Variants in UNC13C observed in about 807,000 individuals in gnomAD.
UNC13C encodes protein unc-13 homolog C.
Under a neutral mutation model 245.4 loss-of-function variants are expected in UNC13C, and 174 were observed. That is an observed-to-expected ratio of 0.71 (90% CI 0.63 to 0.80). The LOEUF (loss-of-function observed/expected upper bound fraction) is 0.80. Among genes scored for constraint, UNC13C ranks in the 30% least tolerant of loss-of-function variants. The pLI is 0.00. For missense variants in UNC13C, 2,829 were observed against 2,602.9 expected (o/e 1.09, Z -1.89); for synonymous variants, 992 against 895.1 (o/e 1.11, Z -1.93).
At chr15:54,548,982 G>A (rs1388900544) in intron 27 of UNC13C, among the ~76,000 whole-genome samples, 1 of 152,024 alleles carries the variant, frequency 6.6e-6, no homozygotes, top group Non-Finnish European at 1.5e-5. Flanking sequence ...GATAACATTT[G>A]TTCAGAATAG....
chr15:54,510,419 G>A (rs373099817), intron 23 of UNC13C, among the ~76,000 whole-genome samples: 1 of 151,428 alleles, frequency 6.6e-6, no homozygotes, highest in Non-Finnish European at 1.5e-5. Context: ...AAAGGACTAA[G>A]CCCAGATCAA....
intron 30 of UNC13C, among the ~76,000 whole-genome samples, chr15:54,580,756 AT>A (rs1392682361): frequency 1.3e-5 from 2 of 152,174 alleles, no homozygotes; most frequent in African/African-American, 4.8e-5. Context: ...TTTACAAAAC[AT>A]TAAGAGAGAC....
At chr15:54,149,926 C>A (rs1047944854) in intron 4 of UNC13C, among the ~76,000 whole-genome samples, 3 of 152,132 alleles carry the variant, frequency 2.0e-5, no homozygotes, top group Admixed American at 6.5e-5. Context: ...TATGGGATGA[C>A]GTGCACAGGA....
chr15:54,184,815 T>G (rs1045643790), intron 4 of UNC13C, among the ~76,000 whole-genome samples: 3 of 152,218 alleles, frequency 2.0e-5, no homozygotes, highest in Admixed American at 2.0e-4. Flanking sequence ...ATGGTATTTC[T>G]AGTTCTAGAT....
At position 54,260,891 on chromosome 15, in the gene UNC13C, G is replaced by A. The variant is rs1325546385; in HGVS notation, c.3449-3277G>A. Among the ~76,000 whole-genome samples, 13 of 151,566 alleles carry A rather than the reference G, an allele frequency of 8.6e-5. No individual in the cohort carries two copies. In the South Asian group the frequency reaches 2.7e-3, roughly 32 times the overall value. On this transcript the variant is annotated intron_variant, in intron 8 of 32. Coordinates refer to ENST00000260323, the MANE Select transcript of UNC13C (RefSeq NM_001080534.3). The stretch of plus-strand genomic sequence containing the variant: ...AATTGTAAATTGCCATATAAAGATG[G>A]TAAAATTGTTAATTTCACCTGAAGT...
At chr15:54,429,371 T>A (rs1307929888) in intron 19 of UNC13C, among the ~76,000 whole-genome samples, 1 of 151,778 alleles carries the variant, frequency 6.6e-6, no homozygotes, top group African/African-American at 2.4e-5. Context: ...TCCCATATTT[T>A]TCCACGTCTT....
intron 2 of UNC13C, among the ~76,000 whole-genome samples, chr15:54,097,893 C>G (rs1349662024): frequency 6.6e-6 from 1 of 152,150 alleles, no homozygotes; most frequent in African/African-American, 2.4e-5. Flanking sequence ...TATACATAGA[C>G]TCTGGGGTTT....
the UNC13C span, among the ~76,000 whole-genome samples, chr15:53,891,463 T>C: frequency 1.3e-5 from 2 of 152,180 alleles, no homozygotes; most frequent in Non-Finnish European, 2.9e-5. Flanking sequence ...GACAGTGGGA[T>C]GTTAAAGTCT....
chr15:54,360,002 G>C (rs911125498), intron 17 of UNC13C, among the ~76,000 whole-genome samples: 3 of 151,648 alleles, frequency 2.0e-5, no homozygotes, highest in Non-Finnish European at 4.4e-5. Flanking sequence ...TCATAGGTTT[G>C]GGTATGCTGT....
At chr15:53,927,484 A>T in the UNC13C span, among the ~76,000 whole-genome samples, 1 of 152,202 alleles carries the variant, frequency 6.6e-6, no homozygotes, top group Non-Finnish European at 1.5e-5. Context: ...CTGACTGTAG[A>T]GTGTAAGGGA....
chr15:54,614,278 C>T (rs955860235), intron 30 of UNC13C, among the ~76,000 whole-genome samples: 1 of 151,808 alleles, frequency 6.6e-6, no homozygotes, highest in Non-Finnish European at 1.5e-5. Flanking sequence ...TTGCTAATAC[C>T]CACATCCCCA....
intron 19 of UNC13C, among the ~76,000 whole-genome samples, chr15:54,442,003 C>A (rs1056915528): frequency 6.6e-6 from 1 of 151,858 alleles, no homozygotes; most frequent in Admixed American, 6.6e-5. Flanking sequence ...AGAAACACTA[C>A]TGCTTTTGTG....
At chr15:54,094,125 A>G (rs1040221134) in intron 2 of UNC13C, among the ~76,000 whole-genome samples, 2 of 152,156 alleles carry the variant, frequency 1.3e-5, no homozygotes, top group African/African-American at 2.4e-5. Context: ...TCTTGGTGAC[A>G]TGGAGCTCCT....
At chr15:54,448,451 G>C (rs1363801397) in intron 19 of UNC13C, among the ~76,000 whole-genome samples, 1 of 152,060 alleles carries the variant, frequency 6.6e-6, no homozygotes, top group Admixed American at 6.5e-5. Flanking sequence ...TATGAATCTG[G>C]GTGCTCCTGT....
chr15:53,853,767 C>A, the UNC13C span, among the ~76,000 whole-genome samples: 1 of 152,094 alleles, frequency 6.6e-6, no homozygotes, highest in African/African-American at 2.4e-5. Flanking sequence ...TTTTTTCATA[C>A]ATTTGTTGCC....
At chr15:54,126,902 A>G (rs1567034096) in intron 2 of UNC13C, among the ~76,000 whole-genome samples, 1 of 152,242 alleles carries the variant, frequency 6.6e-6, no homozygotes. Context: ...GAAGGATATG[A>G]ACAGACACTT....
chr15:54,286,096 G>A (rs1051805652), intron 10 of UNC13C, among the ~76,000 whole-genome samples: 16 of 152,084 alleles, frequency 1.1e-4, no homozygotes, highest in African/African-American at 3.9e-4. Context: ...GGCCAGGCTG[G>A]TCTCGAACTC....
intron 28 of UNC13C, among the ~76,000 whole-genome samples, chr15:54,553,545 T>G (rs1896961088): frequency 6.8e-6 from 1 of 146,488 alleles, no homozygotes; most frequent in African/African-American, 2.5e-5. Flanking sequence ...CCTCAAAATA[T>G]TTCATATAAT....
rs748808713 is a variant in UNC13C at position 54,494,636 on chromosome 15, C to T, written c.4962C>T (p.Ser1654=). The stretch of plus-strand genomic sequence containing the variant: ...ATGAAAATCAGCGGTTATGCAAGAG[C>T]ACCGATTATATGAATTTGCATTTCA... ...EEHENQRLCK[S]TDYMNLHFKV... The change falls in exon 20 of 33, where the codon AGC becomes AGT. Residue 1654 remains serine, a synonymous_variant. Coordinates refer to ENST00000260323, the MANE Select transcript of UNC13C (RefSeq NM_001080534.3). 2 of 1,609,920 alleles carry T rather than the reference C, an allele frequency of 1.2e-6. No homozygotes were observed. The highest frequency in any genetic ancestry group is 1.7e-6 in the Non-Finnish European group (2 of 1,178,126).
Sources: gnomAD v4.1 joint callset for allele counts (sites outside exome capture counted in the v4.1 genomes callset) on GRCh38, gnomAD v4.1.1 for gene constraint, MANE v1.5 for transcripts, NCBI Gene and HGNC (gene_info 2026-07-23, HGNC 2026-07-21) for gene names.